The following AIDA variants were observed in gnomAD, a reference collection of about 807,000 sequenced individuals.
AIDA encodes axin interactor, dorsalization-associated protein.
In AIDA, 18 loss-of-function variants were observed where a neutral mutation model predicts 42.7. The ratio of observed to expected loss-of-function variants is 0.42; its 90% CI spans 0.29 to 0.63. The LOEUF (loss-of-function observed/expected upper bound fraction) is 0.63, where lower values mean the gene tolerates loss of function less well. Among genes scored for constraint, AIDA ranks in the 20% least tolerant of loss-of-function variants. The pLI, the probability that AIDA is intolerant of heterozygous loss-of-function variation, is 0.19. For synonymous variants in AIDA, 104 were observed against 122.9 expected (o/e 0.85, Z 1.02); for missense variants, 250 against 354.1 (o/e 0.71, Z 2.36).
chr1:222,707,108 A>G (rs1655858871), intron 1 of AIDA, among the ~76,000 whole-genome samples: 1 of 152,158 alleles, frequency 6.6e-6, no homozygotes, highest in African/African-American at 2.4e-5. Flanking sequence ...CATGTAAAAT[A>G]GATGAATTTC....
At chr1:222,689,437 C>A (rs535891111) in intron 4 of AIDA, among the ~76,000 whole-genome samples, 13 of 142,950 alleles carry the variant, frequency 9.1e-5, no homozygotes, top group African/African-American at 3.1e-4. Context: ...CAGACTGTCT[C>A]AAAAGCTGTC....
chr1:222,673,977 C>A (rs1422877947), intron 7 of AIDA, among the ~76,000 whole-genome samples: 1 of 151,742 alleles, frequency 6.6e-6, no homozygotes, highest in East Asian at 1.9e-4. Flanking sequence ...ATCCCAGCTA[C>A]TTGGGAGGCT....
intron 4 of AIDA, among the ~76,000 whole-genome samples, chr1:222,691,491 A>T (rs970639692): frequency 1.3e-5 from 2 of 152,180 alleles, no homozygotes; most frequent in Admixed American, 6.5e-5. Flanking sequence ...TTTAAAGTAC[A>T]AGTATAAACC....
chr1:222,706,746 T>G (rs1258544962), intron 1 of AIDA, among the ~76,000 whole-genome samples: 1 of 151,152 alleles, frequency 6.6e-6, no homozygotes, highest in East Asian at 1.9e-4. Flanking sequence ...GATGCGCACC[T>G]GTAATCCCAG....
intron 2 of AIDA, among the ~76,000 whole-genome samples, chr1:222,698,448 AT>A (rs36041357): frequency 0.35 from 43,969 of 127,168 alleles, 7,138 homozygotes; most frequent in South Asian, 0.44. Context: ...TTATTCATCA[AT>A]TTTTTTTTTT....
At chr1:222,691,904 A>C (rs1297022062) in intron 4 of AIDA, among the ~76,000 whole-genome samples, 1 of 152,212 alleles carries the variant, frequency 6.6e-6, no homozygotes, top group Non-Finnish European at 1.5e-5. Flanking sequence ...AGAAGAATTA[A>C]ACAGTATTTT....
chr1:222,700,392 C>A (rs1025181839), intron 2 of AIDA, among the ~76,000 whole-genome samples: 2 of 152,184 alleles, frequency 1.3e-5, no homozygotes, highest in African/African-American at 4.8e-5. Context: ...AGCAAGACTC[C>A]CAGTCTTCTG....
At chr1:222,672,987 A>C (rs1237458146) in intron 8 of AIDA, among the ~76,000 whole-genome samples, 1 of 152,248 alleles carries the variant, frequency 6.6e-6, no homozygotes, top group African/African-American at 2.4e-5. Context: ...CTTAATTTGA[A>C]GATGAAAACT....
chr1:222,689,391 G>A (rs1479991386), intron 4 of AIDA, among the ~76,000 whole-genome samples: 1 of 149,656 alleles, frequency 6.7e-6, no homozygotes, highest in Non-Finnish European at 1.5e-5. Context: ...AGCGAGCGGA[G>A]ATCATGCCAC....
At chr1:222,676,571 A>G (rs1664547548) in intron 6 of AIDA, among the ~76,000 whole-genome samples, 2 of 152,228 alleles carry the variant, frequency 1.3e-5, no homozygotes. Context: ...TCATCTCAAT[A>G]TGAAGTGGTA....
chr1:222,711,957 G>A (rs1313062128), intron 1 of AIDA: 1 of 481,662 alleles, frequency 2.1e-6, no homozygotes, highest in Non-Finnish European at 3.7e-6. Flanking sequence ...AGGAAAGAAG[G>A]GCTACCTGTT....
At chr1:222,675,236 A>T (rs1057198695) in intron 7 of AIDA, among the ~76,000 whole-genome samples, 1 of 152,246 alleles carries the variant, frequency 6.6e-6, no homozygotes, top group African/African-American at 2.4e-5. Flanking sequence ...AGATTAAAGT[A>T]AACCACTTGG....
chr1:222,689,479 GTGTATATATATATA>G (rs781120129), intron 4 of AIDA, among the ~76,000 whole-genome samples: 3,605 of 45,222 alleles, frequency 0.08, 131 homozygotes, highest in South Asian at 0.18. Context: ...ATGTGTGTGT[GTGTATATATATATA>G]TATATATATA....
intron 2 of AIDA, among the ~76,000 whole-genome samples, chr1:222,695,319 C>CT (rs1405577646): frequency 6.6e-6 from 1 of 152,206 alleles, no homozygotes; most frequent in African/African-American, 2.4e-5. Context: ...TGGCGAAACT[C>CT]TGTCTCTACT....
intron 4 of AIDA, 148 bp downstream of exon 4, chr1:222,693,641 C>T (rs1321588013): frequency 3.5e-6 from 2 of 566,288 alleles, no homozygotes; most frequent in East Asian, 2.8e-5. Flanking sequence ...ACAAATGTTA[C>T]AGAAGTAACA....
At chr1:222,700,974 G>T (rs1348343286) in intron 2 of AIDA, among the ~76,000 whole-genome samples, 1 of 146,718 alleles carries the variant, frequency 6.8e-6, no homozygotes, top group Admixed American at 6.7e-5. Flanking sequence ...TTTTTTTTGG[G>T]GGGGGGGGGA....
At chr1:222,675,988 G>A in intron 7 of AIDA, 108 bp downstream of exon 7, 1 of 1,267,282 alleles carries the variant, frequency 7.9e-7, no homozygotes, top group African/African-American at 1.5e-5. Flanking sequence ...AAAATGAGTT[G>A]TCACATACAT....
rs377168741 is a variant in AIDA, at chr1:222,694,209, C to T, written c.234+1G>A. The T allele has an allele frequency of 5.0e-6, 8 of 1,609,556 alleles. No individual in the cohort carries two copies. The highest frequency in any genetic ancestry group is 1.3e-5 in the African/African-American group (1 of 74,724). On this transcript the variant is annotated splice_donor_variant, in intron 3 of 9. Coordinates refer to ENST00000340020, the MANE Select transcript of AIDA (RefSeq NM_022831.4). LOFTEE classifies it high-confidence loss of function. The stretch of plus-strand genomic sequence containing the variant: ...TATTACAGAAGAGAAAAACTCCTTA[C>T]CTGTAAAGCTGCACTTCGCAATTCC...
At chr1:222,708,297 T>G (rs1230611844) in intron 1 of AIDA, among the ~76,000 whole-genome samples, 1 of 146,354 alleles carries the variant, frequency 6.8e-6, no homozygotes, top group Non-Finnish European at 1.5e-5. Flanking sequence ...GGCGACAGAG[T>G]GAGAATCCAT....
Sources: allele counts gnomAD v4.1 joint callset (sites outside exome capture counted in the v4.1 genomes callset), GRCh38; gene constraint gnomAD v4.1.1; transcripts MANE v1.5; gene names NCBI Gene and HGNC (gene_info 2026-07-23, HGNC 2026-07-21).